Variants in PPP1R12B observed in about 807,000 individuals in gnomAD.
PPP1R12B encodes the protein protein phosphatase 1 regulatory subunit 12B.
Under a neutral mutation model 126.1 loss-of-function variants are expected in PPP1R12B, and 76 were observed. That is an observed-to-expected ratio of 0.60 (90% CI 0.50 to 0.73). The LOEUF is 0.73. Among genes scored for constraint, PPP1R12B ranks in the 30% least tolerant of loss-of-function variants. The pLI, the probability that PPP1R12B is intolerant of heterozygous loss-of-function variation, is 0.00. For missense variants in PPP1R12B, 1,052 were observed against 1,205.1 expected, an observed-to-expected ratio of 0.87 and a Z score of 1.88; for synonymous variants, 356 against 434.7, an observed-to-expected ratio of 0.82 and a Z score of 2.25.
At position 202,404,221 on chromosome 1, in the gene PPP1R12B, C is replaced by T. The variant is rs78701506; in HGVS notation, c.292-12566C>T. Among the ~76,000 whole-genome samples the T allele has an allele frequency of 3.0e-3, 464 of 152,256 alleles. 4 individuals are homozygous for T. The highest frequency in any genetic ancestry group is 0.011 in the African/African-American group (445 of 41,544). ...CATGGCTGTCAACGTATCCTACCAGCCACAATTCCTTCTATTTTCCACTAG... is the reference window on the plus strand; with the variant it reads ...CATGGCTGTCAACGTATCCTACCAGTCACAATTCCTTCTATTTTCCACTAG... On this transcript the variant is annotated intron_variant, in intron 1 of 23. Coordinates refer to ENST00000608999, the MANE Select transcript of PPP1R12B (RefSeq NM_002481.4).
intron 1 of PPP1R12B, among the ~76,000 whole-genome samples, chr1:202,368,495 A>G (rs546495890): frequency 2.0e-5 from 3 of 152,284 alleles, no homozygotes; most frequent in East Asian, 3.9e-4. Context: ...GTATTTCTTT[A>G]TAGCAACACA....
At chr1:202,480,964 C>G (rs533929681) in intron 13 of PPP1R12B, among the ~76,000 whole-genome samples, 1 of 152,180 alleles carries the variant, frequency 6.6e-6, no homozygotes, top group Non-Finnish European at 1.5e-5. Context: ...AATTTTTCCA[C>G]AGACTGGTGG....
At chr1:202,559,381 C>T (rs1005718896) in intron 19 of PPP1R12B, among the ~76,000 whole-genome samples, 1 of 152,052 alleles carries the variant, frequency 6.6e-6, no homozygotes, top group Non-Finnish European at 1.5e-5. Flanking sequence ...AATAGTGGAT[C>T]CAACAAAATA....
chr1:202,356,052 A>C (rs1558122043), intron 1 of PPP1R12B, among the ~76,000 whole-genome samples: 1 of 152,056 alleles, frequency 6.6e-6, no homozygotes, highest in Non-Finnish European at 1.5e-5. Flanking sequence ...ATGGTGGTGC[A>C]AACATGTGGT....
At chr1:202,465,919 C>A (rs1187898026) in intron 13 of PPP1R12B, among the ~76,000 whole-genome samples, 1 of 152,130 alleles carries the variant, frequency 6.6e-6, no homozygotes, top group East Asian at 1.9e-4. Context: ...CCTTTGAGAA[C>A]TAAATTTCTT....
chr1:202,455,346 T>C (rs1378929582), intron 13 of PPP1R12B, among the ~76,000 whole-genome samples: 1 of 152,154 alleles, frequency 6.6e-6, no homozygotes, highest in Non-Finnish European at 1.5e-5. Flanking sequence ...TAGAGAGAAA[T>C]CCTGTACCCT....
intron 18 of PPP1R12B, among the ~76,000 whole-genome samples, chr1:202,551,527 A>ATTT (rs34230868): frequency 6.7e-6 from 1 of 150,130 alleles, no homozygotes. Context: ...AAATTAAACC[A>ATTT]TTTTTTTTTT....
intron 1 of PPP1R12B, among the ~76,000 whole-genome samples, chr1:202,390,824 C>A (rs533748431): frequency 1.3e-5 from 2 of 152,154 alleles, no homozygotes; most frequent in South Asian, 4.1e-4. Context: ...TTGACACTAT[C>A]GAGAAAGCAG....
intron 1 of PPP1R12B, 114 bp downstream of exon 1, chr1:202,349,256 C>T (rs1387346751): frequency 7.9e-7 from 1 of 1,267,756 alleles, no homozygotes; most frequent in Non-Finnish European, 1.1e-6. Flanking sequence ...TGCATGGACA[C>T]TGCCCTTTTG....
intron 18 of PPP1R12B, chr1:202,539,840 T>C (rs764083848): frequency 1.6e-4 from 32 of 194,548 alleles, no homozygotes; most frequent in Non-Finnish European, 2.1e-4. Context: ...AAGGACTCAA[T>C]CTAGGCATAA....
chr1:202,474,331 A>G (rs937001352), intron 13 of PPP1R12B, among the ~76,000 whole-genome samples: 3 of 151,338 alleles, frequency 2.0e-5, no homozygotes, highest in South Asian at 2.1e-4. Flanking sequence ...CTTGTCGCCC[A>G]GGTTGGAGTG....
chr1:202,548,566 C>T (rs1166288189), intron 18 of PPP1R12B, among the ~76,000 whole-genome samples: 1 of 151,998 alleles, frequency 6.6e-6, no homozygotes. Context: ...CTCAAGTGAT[C>T]CTCCTGCCTC....
In PPP1R12B at chr1:202,419,017, T is replaced by C. The variant is rs1318975430; in HGVS notation, c.422+2100T>C. On this transcript the variant is annotated intron_variant, in intron 2 of 23. Coordinates refer to ENST00000608999, the MANE Select transcript of PPP1R12B (RefSeq NM_002481.4). This position sits in a 1 kb window ranked among gnomAD's most constrained non-coding sequence, Gnocchi z 4.6. ...TAGAAATGAGTAAAGGCAAACTGGC[T>C]TTCTAGGAAGAATCCAAGTACATTC... Among the ~76,000 whole-genome samples the C allele has an allele frequency of 6.6e-6, 1 of 152,184 alleles. No homozygotes were observed. Among genetic ancestry groups the C allele is most frequent in the Non-Finnish European group, 1.5e-5 (1 of 68,022 alleles).
At chr1:202,381,549 A>T (rs1459231121) in intron 1 of PPP1R12B, among the ~76,000 whole-genome samples, 1 of 152,066 alleles carries the variant, frequency 6.6e-6, no homozygotes, top group Non-Finnish European at 1.5e-5. Context: ...GAAAATTTCC[A>T]TCAGTGTTTT....
At chr1:202,574,912 T>C (rs1391653716) in intron 23 of PPP1R12B, 1 of 1,269,648 alleles carries the variant, frequency 7.9e-7, no homozygotes, top group Non-Finnish European at 1.1e-6. Context: ...AAAAGTCATG[T>C]GATTTCTTTG....
At chr1:202,420,636 T>G (rs1668620006) in intron 2 of PPP1R12B, among the ~76,000 whole-genome samples, 1 of 152,166 alleles carries the variant, frequency 6.6e-6, no homozygotes, top group Non-Finnish European at 1.5e-5. Flanking sequence ...TTCCTTTTGC[T>G]TAAGGGAGAG....
At chr1:202,464,747 A>G (rs1487040002) in intron 13 of PPP1R12B, among the ~76,000 whole-genome samples, 2 of 152,214 alleles carry the variant, frequency 1.3e-5, no homozygotes, top group East Asian at 3.8e-4. Context: ...ATAGCATTCT[A>G]AGTCATCAGT....
intron 1 of PPP1R12B, among the ~76,000 whole-genome samples, chr1:202,383,851 G>A (rs1662724960): frequency 6.6e-6 from 1 of 152,140 alleles, no homozygotes; most frequent in African/African-American, 2.4e-5. Context: ...ACATTGTTGT[G>A]TGGTAGCCCA....
At chr1:202,375,973 C>T (rs1661117029) in intron 1 of PPP1R12B, among the ~76,000 whole-genome samples, 1 of 152,164 alleles carries the variant, frequency 6.6e-6, no homozygotes, top group African/African-American at 2.4e-5. Flanking sequence ...CTAACTTATT[C>T]ACTGTTATGT....
Sources: allele counts gnomAD v4.1 joint callset (sites outside exome capture counted in the v4.1 genomes callset), GRCh38; gene constraint gnomAD v4.1.1; non-coding constraint Gnocchi (gnomAD v3.1); transcripts MANE v1.5; gene names NCBI Gene and HGNC (gene_info 2026-07-23, HGNC 2026-07-21).